USP47: variants seen among roughly 807,000 people sequenced by gnomAD.
USP47 encodes the protein ubiquitin carboxyl-terminal hydrolase 47.
USP47 carries 35 observed loss-of-function variants against 165.1 expected under a neutral mutation model. The observed-to-expected ratio is 0.21, with a 90% CI of 0.16 to 0.28. The LOEUF is 0.28. USP47 is among the 10% of genes least tolerant of loss of function. USP47 has a pLI of 1.00. For synonymous variants in USP47, 531 were observed against 544.5 expected (o/e 0.98, Z 0.35); for missense variants, 1,277 against 1,607.4 (o/e 0.79, Z 3.52).
intron 11 of USP47, among the ~76,000 whole-genome samples, chr11:11,926,434 A>G (rs755890788): frequency 6.6e-6 from 1 of 152,078 alleles, no homozygotes; most frequent in African/African-American, 2.4e-5. Flanking sequence ...GTAGAAATTT[A>G]TCCATTTCTT....
intron 16 of USP47, 117 bp downstream of exon 16, chr11:11,934,052 G>C (rs1337065991): frequency 2.8e-6 from 2 of 722,098 alleles, no homozygotes; most frequent in Admixed American, 5.4e-5. Context: ...TTGGTAACTG[G>C]TTAATTTATC....
chr11:11,925,335 C>A (rs1423386590), intron 11 of USP47, among the ~76,000 whole-genome samples: 1 of 152,098 alleles, frequency 6.6e-6, no homozygotes, highest in Non-Finnish European at 1.5e-5. Flanking sequence ...GTCTTGATCT[C>A]CTGACCTCAT....
chr11:11,910,324 C>G (rs948943056), intron 8 of USP47, among the ~76,000 whole-genome samples: 14 of 152,128 alleles, frequency 9.2e-5, no homozygotes, highest in African/African-American at 3.1e-4. Context: ...ACTGAAGAAG[C>G]TGGCAGCCTG....
At chr11:11,854,987 CG>C (rs1463316152) in intron 1 of USP47, among the ~76,000 whole-genome samples, 2 of 150,442 alleles carry the variant, frequency 1.3e-5, no homozygotes, top group Admixed American at 1.3e-4. Context: ...CCCAGCTACT[CG>C]GGAGGCTGAG....
chr11:11,854,296 A>G (rs1386839575), intron 1 of USP47, among the ~76,000 whole-genome samples: 1 of 147,062 alleles, frequency 6.8e-6, no homozygotes, highest in East Asian at 2.0e-4. Context: ...TTCAGTTAAT[A>G]CCTTCTATTA....
At chr11:11,872,622 T>G (rs572720946) in intron 1 of USP47, among the ~76,000 whole-genome samples, 22 of 152,304 alleles carry the variant, frequency 1.4e-4, no homozygotes, top group African/African-American at 5.3e-4. Flanking sequence ...TTAGATTTGC[T>G]TATAGATTAG....
At chr11:11,925,252 C>G (rs1050910282) in intron 11 of USP47, among the ~76,000 whole-genome samples, 2 of 152,024 alleles carry the variant, frequency 1.3e-5, no homozygotes, top group Non-Finnish European at 2.9e-5. Flanking sequence ...GAACTACAGG[C>G]ACCGGCCACC....
chr11:11,863,441 A>C (rs916739434), intron 1 of USP47, among the ~76,000 whole-genome samples: 20 of 152,232 alleles, frequency 1.3e-4, no homozygotes, highest in Non-Finnish European at 1.2e-4. Context: ...ATTTTTAAAA[A>C]ATATGATCAG....
intron 14 of USP47, 129 bp from the exon 15 acceptor site, chr11:11,932,875 G>A: frequency 1.5e-6 from 1 of 650,992 alleles, no homozygotes. Context: ...TTGAGAGAAG[G>A]ATGTAATGGA....
rs1198114134 is a variant in USP47, at chr11:11,854,502, A to G, written c.39+12278A>G. 2.0e-5 allele frequency among the ~76,000 whole-genome samples: 3 copies of G among 147,352 alleles called. 1 individual carries two copies. Among genetic ancestry groups the G allele is most frequent in the Non-Finnish European group, 3.0e-5 (2 of 65,724 alleles). Reference sequence around the variant, plus strand: ...GTGTCATGCACACAATAAGCTATCAATAGATATTAGCTATTACCACCTTCT... The same window carrying G: ...GTGTCATGCACACAATAAGCTATCAGTAGATATTAGCTATTACCACCTTCT... On this transcript the variant is annotated intron_variant, in intron 1 of 27. Coordinates refer to ENST00000527733, the MANE Select transcript of USP47 (RefSeq NM_001282659.2).
At chr11:11,926,174 G>A (rs932191734) in intron 11 of USP47, among the ~76,000 whole-genome samples, 2 of 152,072 alleles carry the variant, frequency 1.3e-5, no homozygotes, top group Non-Finnish European at 2.9e-5. Context: ...TCTAATTTTG[G>A]TATCAAAGTC....
intron 1 of USP47, among the ~76,000 whole-genome samples, chr11:11,877,836 TGTGTGTGTGTGTGTGTGTGTGTGCGCGC>T (rs1850559641): frequency 1.1e-5 from 1 of 89,666 alleles, no homozygotes; most frequent in African/African-American, 4.3e-5. Context: ...TGTGTGTGTG[TGTGTGTGTGTGTGTGTGTGTGTGCGCGC>T]GCGCAGATAA....
intron 4 of USP47, among the ~76,000 whole-genome samples, chr11:11,896,917 C>G (rs1851883627): frequency 6.6e-6 from 1 of 151,880 alleles, no homozygotes; most frequent in Non-Finnish European, 1.5e-5. Context: ...AGATAGCTAC[C>G]ATGCTTGGTC....
intron 27 of USP47, among the ~76,000 whole-genome samples, chr11:11,955,403 T>C (rs928827606): frequency 6.6e-6 from 1 of 152,238 alleles, no homozygotes; most frequent in Non-Finnish European, 1.5e-5. Flanking sequence ...ATCCAAAATA[T>C]GATCATTACA....
intron 1 of USP47, among the ~76,000 whole-genome samples, chr11:11,851,969 T>C (rs1848754186): frequency 6.6e-6 from 1 of 152,208 alleles, no homozygotes. Context: ...TTAACCTTGA[T>C]CACTTGGGTA....
chr11:11,860,334 C>T (rs912241594), intron 1 of USP47, among the ~76,000 whole-genome samples: 6 of 151,622 alleles, frequency 4.0e-5, no homozygotes, highest in Non-Finnish European at 5.9e-5. Flanking sequence ...TTAAATGATT[C>T]GTGTAGGATT....
At chr11:11,865,225 T>C (rs1849604902) in intron 1 of USP47, among the ~76,000 whole-genome samples, 5 of 152,208 alleles carry the variant, frequency 3.3e-5, no homozygotes, top group South Asian at 4.1e-4. Flanking sequence ...TCAGCAGTTA[T>C]TTCTTTGAGT....
chr11:11,922,958 A>G (rs11822494), intron 11 of USP47, 67 bp downstream of exon 11: 119,207 of 1,455,092 alleles, frequency 0.082, 6,437 homozygotes, highest in East Asian at 0.27. Flanking sequence ...ATATAATTCT[A>G]TAGCTGTTGT....
chr11:11,909,262 T>C (rs890706811), intron 8 of USP47, among the ~76,000 whole-genome samples: 1 of 152,166 alleles, frequency 6.6e-6, no homozygotes, highest in Non-Finnish European at 1.5e-5. Flanking sequence ...AGCTGAAGAA[T>C]TACTTGTAGT....
Sources: allele counts gnomAD v4.1 joint callset (sites outside exome capture counted in the v4.1 genomes callset), GRCh38; gene constraint gnomAD v4.1.1; transcripts MANE v1.5; gene names NCBI Gene and HGNC (gene_info 2026-07-23, HGNC 2026-07-21).